The following ZNF236 variants were observed in gnomAD, a reference collection of about 807,000 sequenced individuals.
The protein encoded by ZNF236 is regulated by glucose.
A neutral mutation model predicts 191.2 loss-of-function variants in ZNF236; 50 were observed. The ratio of observed to expected loss-of-function variants is 0.26; its 90% CI spans 0.21 to 0.33. The LOEUF is 0.33. Among genes scored for constraint, ZNF236 ranks in the 10% least tolerant of loss-of-function variants. ZNF236 has a pLI of 1.00. For missense variants in ZNF236, 1,754 were observed against 2,374.5 expected, an observed-to-expected ratio of 0.74 and a Z score of 5.43; for synonymous variants, 907 against 928.8, an observed-to-expected ratio of 0.98 and a Z score of 0.43.
In ZNF236 at chr18:76,870,591, T is replaced by C. The variant is rs563820166; in HGVS notation, c.543-1110T>C. Among the ~76,000 whole-genome samples the C allele has an allele frequency of 1.6e-4, 24 of 152,226 alleles. No homozygotes were observed. In the South Asian group the frequency reaches 5.0e-3, roughly 32 times the overall value. ...GGTTAGTCGGTACCACAGTTTCAGA[T>C]AGTGGTGAGTGTCAAGAAAGAAGGA... On this transcript the variant is annotated intron_variant, in intron 4 of 30. Transcript: ENST00000320610.
At chr18:76,823,887 GTC>G (rs1356173463) in intron 1 of ZNF236, among the ~76,000 whole-genome samples, 1 of 152,190 alleles carries the variant, frequency 6.6e-6, no homozygotes, top group Non-Finnish European at 1.5e-5. Flanking sequence ...TTGGACGCGA[GTC>G]TCCCCCTGCA....
At chr18:76,916,566 T>G (rs1967368958) in intron 19 of ZNF236, among the ~76,000 whole-genome samples, 1 of 152,240 alleles carries the variant, frequency 6.6e-6, no homozygotes, top group South Asian at 2.1e-4. Flanking sequence ...ATTTTTGTGC[T>G]TATACTTTTT....
Position 76,905,431 on chromosome 18 carries a change from G to A in ZNF236, c.2297+16G>A. ...AAACCCACAGGTGGGTGTAATTCTG[G>A]TGGTCACTTTTTATCATCTTTATAA... On this transcript the variant is annotated intron_variant, in intron 13 of 30. Transcript: ENST00000320610. The A allele has an allele frequency of 6.2e-7, 1 of 1,609,146 alleles. No individual in the cohort carries two copies. Among genetic ancestry groups the A allele is most frequent in the African/African-American group, 1.3e-5 (1 of 74,808 alleles).
At chr18:76,910,606 T>G (rs1188338862) in intron 15 of ZNF236, 54 bp from the exon 16 acceptor site, 2 of 1,550,944 alleles carry the variant, frequency 1.3e-6, no homozygotes, top group Admixed American at 3.5e-5. Context: ...TCTTAGAACA[T>G]TTTAATGTAA....
intron 9 of ZNF236, among the ~76,000 whole-genome samples, chr18:76,883,332 T>C (rs1213033371): frequency 1.3e-5 from 2 of 150,844 alleles, no homozygotes; most frequent in South Asian, 2.1e-4. Context: ...ATTACATTCA[T>C]GGGATCCCTA....
chr18:76,937,954 T>G (rs1299763352), intron 26 of ZNF236, among the ~76,000 whole-genome samples: 2 of 152,218 alleles, frequency 1.3e-5, no homozygotes, highest in Non-Finnish European at 2.9e-5. Context: ...TGCCAGCATT[T>G]TGATAGTTGA....
At chr18:76,849,762 T>A in intron 2 of ZNF236, 94 bp downstream of exon 2, 10 of 1,186,220 alleles carry the variant, frequency 8.4e-6, no homozygotes, top group South Asian at 6.5e-5. Flanking sequence ...TTAATTTAGG[T>A]TCCTAAATAG....
At chr18:76,852,794 A>G (rs17652264) in intron 3 of ZNF236, among the ~76,000 whole-genome samples, 29,386 of 152,238 alleles carry the variant, frequency 0.19, 3,378 homozygotes, top group Middle Eastern at 0.28. Flanking sequence ...GGAGACAGAA[A>G]AACACAGTAT....
chr18:76,886,234 A>G (rs1977051830), intron 9 of ZNF236: 1 of 152,248 alleles, frequency 6.6e-6, no homozygotes, highest in Non-Finnish European at 1.5e-5. Context: ...ATCCTCAGTG[A>G]AAGGATTCAT....
rs1385598321 is a variant in ZNF236, at chr18:76,943,133, A to AG, written c.4783-4388_4783-4387insG. ...GTGAGACTCCGTCTCAAAAAAAAAA[A>AG]AAAAAAAAAGAAGAGCAAATTTGAG... On this transcript the variant is annotated intron_variant, in intron 26 of 30. Coordinates refer to ENST00000320610, the MANE Select transcript of ZNF236 (RefSeq NM_001306089.2). 1.3e-4 allele frequency among the ~76,000 whole-genome samples: 20 copies of AG among 151,338 alleles called. 1 individual carries two copies. The South Asian group carries it at 4.2e-3, about 32-fold the overall frequency.
chr18:76,869,031 C>T (rs1191035475), intron 4 of ZNF236, among the ~76,000 whole-genome samples, 168 bp downstream of exon 4: 4 of 152,228 alleles, frequency 2.6e-5, no homozygotes, highest in Admixed American at 6.5e-5. Context: ...TGCATCCCTA[C>T]ACATTAATGA....
At chr18:76,947,003 G>T (rs554516120) in intron 26 of ZNF236, among the ~76,000 whole-genome samples, 3 of 152,056 alleles carry the variant, frequency 2.0e-5, no homozygotes, top group Non-Finnish European at 4.4e-5. Context: ...TTAAAGAAAC[G>T]TGGAGCCATG....
intron 1 of ZNF236, among the ~76,000 whole-genome samples, chr18:76,844,803 A>T (rs1010663049): frequency 1.3e-5 from 2 of 152,218 alleles, no homozygotes; most frequent in African/African-American, 4.8e-5. Context: ...GACCTTTGCC[A>T]TTAAGATTTA....
chr18:76,885,445 G>T, intron 9 of ZNF236: 1 of 153,906 alleles, frequency 6.5e-6, no homozygotes, highest in Non-Finnish European at 1.5e-5. Flanking sequence ...TGTGCACTTG[G>T]ATCTGGATAT....
At chr18:76,942,932 G>A (rs1025246899) in intron 26 of ZNF236, among the ~76,000 whole-genome samples, 2 of 148,702 alleles carry the variant, frequency 1.3e-5, no homozygotes, top group African/African-American at 2.4e-5. Flanking sequence ...GACCATCCTG[G>A]CTGACACGGT....
intron 1 of ZNF236, among the ~76,000 whole-genome samples, chr18:76,828,485 C>T (rs976722201): frequency 3.3e-5 from 5 of 152,228 alleles, no homozygotes; most frequent in African/African-American, 7.2e-5. Context: ...TCCTTTGAAG[C>T]GGCAGGAGGC....
chr18:76,889,252 C>T (rs1977156236), intron 9 of ZNF236, among the ~76,000 whole-genome samples: 1 of 152,196 alleles, frequency 6.6e-6, no homozygotes, highest in African/African-American at 2.4e-5. Flanking sequence ...TCTGAGCCTC[C>T]TCCTATGGAA....
At chr18:76,944,580 A>T (rs1250489680) in intron 26 of ZNF236, among the ~76,000 whole-genome samples, 1 of 152,126 alleles carries the variant, frequency 6.6e-6, no homozygotes, top group African/African-American at 2.4e-5. Flanking sequence ...CAGGAGATCG[A>T]GACCAGCTTG....
At position 76,871,742 on chromosome 18, in the gene ZNF236, G is replaced by T; in HGVS notation, c.584G>T (p.Ser195Ile). ...TRSYNRNIDR[S>I]GFTYSCPHCG... ...TCTTATAACCGGAATATCGACAGAA[G>T]TGGATTCACGTATTCGTGTCCGCAC... The change falls in exon 5 of 31, where the codon AGT (serine) becomes ATT (isoleucine). Residue 195 changes from serine (S) to isoleucine (I), a missense_variant. Physicochemically the swap from Ser to Ile is moderately radical, Grantham distance 142 (BLOSUM62 -2). Around this residue, in one of 5 missense-constraint regions of ZNF236, gnomAD observed 336 missense variants for 495.1 expected, o/e 0.68. Transcript: ENST00000320610. The T allele has an allele frequency of 1.9e-6, 3 of 1,614,202 alleles. No individual in the cohort carries two copies. Among genetic ancestry groups the T allele is most frequent in the Non-Finnish European group, 2.5e-6 (3 of 1,180,038 alleles).
Sources: gnomAD v4.1 joint callset for allele counts (sites outside exome capture counted in the v4.1 genomes callset) on GRCh38, gnomAD v4.1.1 for gene constraint, gnomAD v4.1.1 regional missense constraint, MANE v1.5 for transcripts, NCBI Gene and HGNC (gene_info 2026-07-23, HGNC 2026-07-21) for gene names.